Variants in NCK2 observed in about 807,000 individuals in gnomAD.
The protein encoded by NCK2 is NCK adaptor protein 2.
In NCK2, 16 loss-of-function variants were observed where a neutral mutation model predicts 33.9. The observed-to-expected ratio is 0.47, with a 90% confidence interval of 0.32 to 0.72. The LOEUF is 0.72. NCK2 is among the 30% of genes least tolerant of loss of function. The probability of loss-of-function intolerance (pLI) is 0.03; values close to 1 mark genes in which losing one functional copy is unlikely to be tolerated. For missense variants in NCK2, 418 were observed against 537.3 expected (o/e 0.78, Z 2.19); for synonymous variants, 273 against 239.9 (o/e 1.14, Z -1.27).
chr2:105,839,069 A>G (rs375395174), intron 2 of NCK2, among the ~76,000 whole-genome samples: 63 of 152,122 alleles, frequency 4.1e-4, no homozygotes, highest in African/African-American at 1.4e-3. Flanking sequence ...AGAGGCAGGG[A>G]GAGCAAGGGA....
intron 1 of NCK2, among the ~76,000 whole-genome samples, chr2:105,816,008 T>C (rs1675468127): frequency 6.6e-6 from 1 of 152,108 alleles, no homozygotes; most frequent in African/African-American, 2.4e-5. Context: ...TCACCGGGTG[T>C]GTGGTTGGCC....
At chr2:105,813,677 C>T (rs1675374682) in intron 1 of NCK2, among the ~76,000 whole-genome samples, 1 of 152,356 alleles carries the variant, frequency 6.6e-6, no homozygotes, top group Admixed American at 6.5e-5. Flanking sequence ...CCTGGCAGTG[C>T]TCAGCACACT....
chr2:105,841,811 C>G (rs1676658059), intron 2 of NCK2, among the ~76,000 whole-genome samples: 1 of 152,126 alleles, frequency 6.6e-6, no homozygotes. Context: ...TATACGGTAT[C>G]ATAGAAGGTC....
At chr2:105,890,170 C>A (rs995647953) in intron 4 of NCK2, among the ~76,000 whole-genome samples, 3 of 152,068 alleles carry the variant, frequency 2.0e-5, no homozygotes, top group Non-Finnish European at 4.4e-5. Flanking sequence ...CAGGAGCCCA[C>A]GAAATTAAAA....
At chr2:105,825,133 G>C (rs1675893584) in intron 2 of NCK2, among the ~76,000 whole-genome samples, 1 of 152,150 alleles carries the variant, frequency 6.6e-6, no homozygotes. Flanking sequence ...AGCTCTGTGA[G>C]TCCATGCCTA....
intron 4 of NCK2, 119 bp downstream of exon 4, chr2:105,882,168 A>G: frequency 1.7e-6 from 2 of 1,159,554 alleles, no homozygotes; most frequent in Non-Finnish European, 2.2e-6. Context: ...GGAGACGCAG[A>G]TGAATGCAAT....
At chr2:105,808,667 T>TAAAATA (rs1675177324) in intron 1 of NCK2, among the ~76,000 whole-genome samples, 1 of 152,204 alleles carries the variant, frequency 6.6e-6, no homozygotes, top group African/African-American at 2.4e-5. Context: ...GCATTGTCAT[T>TAAAATA]AAAATAAAAT....
At chr2:105,797,314 A>G (rs73946302) in intron 1 of NCK2, among the ~76,000 whole-genome samples, 4,524 of 152,286 alleles carry the variant, frequency 0.03, 96 homozygotes, top group African/African-American at 0.043. Flanking sequence ...TGCACAGGAA[A>G]TAACCAATTT....
At chr2:105,790,782 C>T (rs1011118496) in intron 1 of NCK2, among the ~76,000 whole-genome samples, 7 of 152,150 alleles carry the variant, frequency 4.6e-5, no homozygotes, top group Admixed American at 3.3e-4. Context: ...GTGGGTCTCT[C>T]GCTGCCAGCT....
At chr2:105,758,066 T>C (rs1015562921) in intron 1 of NCK2, among the ~76,000 whole-genome samples, 7 of 152,226 alleles carry the variant, frequency 4.6e-5, no homozygotes, top group African/African-American at 1.7e-4. Flanking sequence ...TTTCAGGTAA[T>C]GTGAACTCTA....
At chr2:105,862,462 G>A (rs1677578284) in intron 3 of NCK2, among the ~76,000 whole-genome samples, 1 of 152,216 alleles carries the variant, frequency 6.6e-6, no homozygotes, top group Non-Finnish European at 1.5e-5. Flanking sequence ...AGCAGTCACA[G>A]GTACGAGACC....
intron 2 of NCK2, among the ~76,000 whole-genome samples, chr2:105,823,378 G>T (rs1284697863): frequency 6.6e-6 from 1 of 151,854 alleles, no homozygotes; most frequent in South Asian, 2.1e-4. Context: ...GTGCCCTTGT[G>T]CTCCCCATTC....
intron 2 of NCK2, chr2:105,854,691 G>A (rs1677190444): frequency 5.3e-6 from 1 of 188,854 alleles, no homozygotes; most frequent in African/African-American, 2.3e-5. Flanking sequence ...AGCATATCCT[G>A]AGAAAATGAG....
At chr2:105,821,679 G>A (rs965504031) in intron 2 of NCK2, among the ~76,000 whole-genome samples, 1 of 152,080 alleles carries the variant, frequency 6.6e-6, no homozygotes. Flanking sequence ...GCAGGTGCCC[G>A]GCACAGGGCT....
intron 1 of NCK2, among the ~76,000 whole-genome samples, chr2:105,808,679 G>A (rs1675178746): frequency 6.6e-6 from 1 of 152,170 alleles, no homozygotes; most frequent in African/African-American, 2.4e-5. Flanking sequence ...AAATAAAATC[G>A]ACTTAAAGTG....
intron 2 of NCK2, among the ~76,000 whole-genome samples, chr2:105,832,150 G>C (rs1676218865): frequency 6.6e-6 from 1 of 151,960 alleles, no homozygotes; most frequent in African/African-American, 2.4e-5. Context: ...AACGAGATTG[G>C]TTTCTTTATT....
chr2:105,789,464 C>T (rs187020989), intron 1 of NCK2, among the ~76,000 whole-genome samples: 1 of 152,182 alleles, frequency 6.6e-6, no homozygotes, highest in Admixed American at 6.5e-5. Flanking sequence ...GCTGGGCTTA[C>T]AGGCATGAGC....
chr2:105,775,231 A>T (rs1272056303), intron 1 of NCK2, among the ~76,000 whole-genome samples: 1 of 152,184 alleles, frequency 6.6e-6, no homozygotes, highest in Non-Finnish European at 1.5e-5. Context: ...TGCCTAATCA[A>T]TGAGAATTTG....
intron 3 of NCK2, among the ~76,000 whole-genome samples, chr2:105,869,045 A>C (rs1237713378): frequency 6.6e-6 from 1 of 152,222 alleles, no homozygotes; most frequent in Non-Finnish European, 1.5e-5. Flanking sequence ...TGTCCAAAGC[A>C]GCATACGATC....
Sources: allele counts gnomAD v4.1 joint callset (sites outside exome capture counted in the v4.1 genomes callset), GRCh38; gene constraint gnomAD v4.1.1; transcripts MANE v1.5; gene names NCBI Gene and HGNC (gene_info 2026-07-23, HGNC 2026-07-21).